Variants in ABI3BP observed in about 807,000 individuals in gnomAD.
ABI3BP encodes ABI family member 3 binding protein, also known as target of Nesh-SH3.
In ABI3BP, 216 loss-of-function variants were observed where a neutral mutation model predicts 268.6. That is an observed-to-expected ratio of 0.80 (90% CI 0.72 to 0.90). ABI3BP has a LOEUF of 0.90. ABI3BP is among the 40% of genes least tolerant of loss of function. The probability of loss-of-function intolerance (pLI) is 0.00; values close to 1 mark genes in which losing one functional copy is unlikely to be tolerated. For synonymous variants in ABI3BP, 730 were observed against 730.0 expected, an observed-to-expected ratio of 1.00 and a Z score of 0.00; for missense variants, 2,090 against 2,182.4, an observed-to-expected ratio of 0.96 and a Z score of 0.84.
rs1325385241 is a variant in ABI3BP at position 100,847,589 on chromosome 3, A to G, written c.1648+13T>C. 1.3e-6 allele frequency: 2 copies of G among 1,597,918 alleles called. No homozygotes were observed. The highest frequency in any genetic ancestry group is 1.7e-6 in the Non-Finnish European group (2 of 1,165,282). On this transcript the variant is annotated intron_variant, in intron 19 of 67. Coordinates refer to ENST00000471714, the MANE Select transcript of ABI3BP (RefSeq NM_001375547.2). ...ATGAAGCAACACATCTACTAAGGAC[A>G]TATCATTATTACCCGGTGTTGTCCA...
At chr3:100,764,039 T>A (rs2096128050) in intron 63 of ABI3BP, among the ~76,000 whole-genome samples, 1 of 152,170 alleles carries the variant, frequency 6.6e-6, no homozygotes, top group Non-Finnish European at 1.5e-5. Context: ...TTCCTTTGCC[T>A]CCCATCCACT....
At chr3:100,876,611 TG>T (rs2099163200) in intron 6 of ABI3BP, 51 bp from the exon 7 acceptor site, 4 of 1,542,480 alleles carry the variant, frequency 2.6e-6, no homozygotes, top group Non-Finnish European at 3.6e-6. Context: ...AATAACTTTC[TG>T]TTCTTTAAAA....
At chr3:100,908,249 C>T (rs1472949783) in intron 2 of ABI3BP, among the ~76,000 whole-genome samples, 1 of 151,714 alleles carries the variant, frequency 6.6e-6, no homozygotes. Context: ...TATCTTAAAA[C>T]ATCTAAATCA....
intron 9 of ABI3BP, among the ~76,000 whole-genome samples, chr3:100,872,571 C>G (rs1421398873): frequency 6.6e-6 from 1 of 152,128 alleles, no homozygotes; most frequent in Non-Finnish European, 1.5e-5. Context: ...ACATTAGGGA[C>G]CAAATCAATG....
chr3:100,749,697 G>GTCTC lies in ABI3BP; in HGVS notation c.*794_*797dup. 2.5e-6 allele frequency: 1 copy of GTCTC among 398,456 alleles called. No individual in the cohort carries two copies. Among genetic ancestry groups the GTCTC allele is most frequent in the Non-Finnish European group, 4.4e-6 (1 of 225,806 alleles). The allele number at this position is 398,456 out of a possible 1,614,324, so 24.7% of individuals were successfully genotyped here. A position where few individuals can be genotyped will look rare whatever the true frequency, so the allele number is the denominator to read the frequency against. On this transcript the variant is annotated 3_prime_UTR_variant, in exon 68 of 68. Coordinates refer to ENST00000471714, the MANE Select transcript of ABI3BP (RefSeq NM_001375547.2). ...GTGCTCAGACTTGACTTCACATTCAGTCTCTACATACAGCTTGATTAGAAT... is the reference window on the plus strand; with the variant it reads ...GTGCTCAGACTTGACTTCACATTCAGTCTCTCTCTACATACAGCTTGATTAGAAT...
At chr3:100,949,257 T>C (rs2073892363) in intron 1 of ABI3BP, among the ~76,000 whole-genome samples, 1 of 152,094 alleles carries the variant, frequency 6.6e-6, no homozygotes, top group African/African-American at 2.4e-5. Context: ...TTGAAGTTTT[T>C]ATTTATTTAT....
At chr3:100,799,010 C>A (rs541160738) in intron 51 of ABI3BP, among the ~76,000 whole-genome samples, 1 of 152,128 alleles carries the variant, frequency 6.6e-6, no homozygotes, top group East Asian at 1.9e-4. Flanking sequence ...TCATTTGAGG[C>A]CTTTTACTTT....
At chr3:100,859,627 A>G (rs1239520555) in intron 14 of ABI3BP, among the ~76,000 whole-genome samples, 1 of 152,240 alleles carries the variant, frequency 6.6e-6, no homozygotes, top group Non-Finnish European at 1.5e-5. Context: ...AAAGGGCTAC[A>G]TAAATATACC....
intron 2 of ABI3BP, among the ~76,000 whole-genome samples, chr3:100,907,452 C>T (rs2053947671): frequency 6.6e-6 from 1 of 152,126 alleles, no homozygotes; most frequent in South Asian, 2.1e-4. Context: ...TGAGATTGCA[C>T]CACTGTACTT....
At chr3:100,828,562 G>A (rs1211091838) in intron 33 of ABI3BP, 110 bp from the exon 34 acceptor site, 6 of 949,932 alleles carry the variant, frequency 6.3e-6, no homozygotes, top group Non-Finnish European at 6.3e-6. Context: ...TCCAGAGCAC[G>A]AAGCAAACAC....
intron 1 of ABI3BP, among the ~76,000 whole-genome samples, chr3:100,932,044 T>C (rs375996945): frequency 3.3e-5 from 5 of 150,806 alleles, no homozygotes; most frequent in African/African-American, 1.2e-4. Flanking sequence ...AGCCCAGAAA[T>C]AAGGACACAC....
chr3:100,897,889 A>C (rs1160554735), intron 4 of ABI3BP, among the ~76,000 whole-genome samples: 1 of 152,234 alleles, frequency 6.6e-6, no homozygotes, highest in Non-Finnish European at 1.5e-5. Context: ...GCCTTGATTG[A>C]AGCTTGAAAA....
chr3:100,887,223 C>T (rs1206290597), intron 4 of ABI3BP, among the ~76,000 whole-genome samples: 1 of 151,952 alleles, frequency 6.6e-6, no homozygotes, highest in Non-Finnish European at 1.5e-5. Context: ...GTAAGTGGGG[C>T]AGCAGATCAA....
At chr3:100,953,619 A>AT (rs57331898) in intron 1 of ABI3BP, among the ~76,000 whole-genome samples, 131,358 of 151,620 alleles carry the variant, frequency 0.87, 57,002 homozygotes, top group East Asian at 1. Context: ...AAGAAATACT[A>AT]TTTTTTTTGA....
rs144008355 is a variant in ABI3BP, at chr3:100,818,360, T to G, written c.3088+165A>C. On this transcript the variant is annotated intron_variant, in intron 41 of 67. Transcript: ENST00000471714. Reference sequence around the variant, plus strand: ...TAGTTCATGCACAGTTCTCTCAAATTCAGCTGATAATGTGACACAGAGCCT... The same window carrying G: ...TAGTTCATGCACAGTTCTCTCAAATGCAGCTGATAATGTGACACAGAGCCT... 4.3e-3 allele frequency among the ~76,000 whole-genome samples: 649 copies of G among 152,294 alleles called. 6 individuals carry two copies. The highest frequency in any genetic ancestry group is 6.5e-3 in the Non-Finnish European group (444 of 68,024).
At position 100,792,728 on chromosome 3, in the gene ABI3BP, C is replaced by A; in HGVS notation, c.3987G>T (p.Lys1329Asn). 1 of 1,611,620 alleles carries A rather than the reference C, an allele frequency of 6.2e-7. No individual in the cohort carries two copies. Among genetic ancestry groups the A allele is most frequent in the Non-Finnish European group, 8.5e-7 (1 of 1,178,342 alleles). The stretch of plus-strand genomic sequence containing the variant: ...TTGCTAGTTCAGTTGTTCGTGGAAT[C>A]TTAGTTGTGAAAGGTTCTTGGGTGG... ...DQSTQEPFTT[K>N]IPRTTELAKT... Residue 1329 changes from lysine (K) to asparagine (N), a missense_variant, in exon 55 of 68, where the codon AAG (lysine) becomes AAT (asparagine). By Grantham distance (94) the Lys-to-Asn change is moderately conservative (BLOSUM62 0). Coordinates refer to ENST00000471714, the MANE Select transcript of ABI3BP (RefSeq NM_001375547.2).
chr3:100,993,080 G>T (rs1267770677), intron 1 of ABI3BP, among the ~76,000 whole-genome samples: 1 of 152,176 alleles, frequency 6.6e-6, no homozygotes, highest in Non-Finnish European at 1.5e-5. Context: ...GCTGCTCAAT[G>T]TAATAAGTTT....
chr3:100,880,607 C>T (rs897336112), intron 6 of ABI3BP, among the ~76,000 whole-genome samples: 3 of 152,092 alleles, frequency 2.0e-5, no homozygotes, highest in Admixed American at 6.6e-5. Flanking sequence ...TAAGGAGAGA[C>T]TACTAGAGTC....
chr3:100,975,662 T>C (rs143817087), intron 1 of ABI3BP, among the ~76,000 whole-genome samples: 1 of 152,112 alleles, frequency 6.6e-6, no homozygotes, highest in African/African-American at 2.4e-5. Context: ...GAAAATAACA[T>C]GTTTTCACCA....
Sources: allele counts gnomAD v4.1 joint callset (sites outside exome capture counted in the v4.1 genomes callset), GRCh38; gene constraint gnomAD v4.1.1; transcripts MANE v1.5; gene names NCBI Gene and HGNC (gene_info 2026-07-23, HGNC 2026-07-21).